The following MYOF variants were observed in gnomAD, a reference collection of about 807,000 sequenced individuals.
MYOF encodes the protein myoferlin, also known as fer-1-like 3, myoferlin.
A neutral mutation model predicts 284.2 loss-of-function variants in MYOF; 244 were observed. The ratio of observed to expected loss-of-function variants is 0.86; its 90% confidence interval spans 0.77 to 0.95. The LOEUF (loss-of-function observed/expected upper bound fraction) is 0.95, where lower values mean the gene tolerates loss of function less well. MYOF is among the 40% of genes least tolerant of loss of function. MYOF has a pLI of 0.00. For missense variants in MYOF, 2,496 were observed against 2,560.6 expected, an observed-to-expected ratio of 0.97 and a Z score of 0.54; for synonymous variants, 904 against 919.7, an observed-to-expected ratio of 0.98 and a Z score of 0.31.
intron 23 of MYOF, among the ~76,000 whole-genome samples, chr10:93,373,755 G>C (rs1407470299): frequency 1.3e-5 from 2 of 152,200 alleles, no homozygotes; most frequent in Non-Finnish European, 2.9e-5. Flanking sequence ...AGAGACAGGA[G>C]GAGTCGTCTC....
chr10:93,409,067 G>A, intron 6 of MYOF, 152 bp from the exon 7 acceptor site: 1 of 1,170,130 alleles, frequency 8.5e-7, no homozygotes. Flanking sequence ...CAATTGGGTG[G>A]AGCCACCTAG....
intron 38 of MYOF, among the ~76,000 whole-genome samples, chr10:93,342,800 T>A (rs1422646694): frequency 6.6e-6 from 1 of 152,182 alleles, no homozygotes; most frequent in Non-Finnish European, 1.5e-5. Context: ...GTTGTAAAAA[T>A]CTACAGAAAA....
At chr10:93,386,900 G>A (rs1846397941) in intron 19 of MYOF, among the ~76,000 whole-genome samples, 1 of 152,172 alleles carries the variant, frequency 6.6e-6, no homozygotes, top group Admixed American at 6.5e-5. Context: ...CCTGGACTCA[G>A]ATGAAAACGT....
At position 93,345,354 on chromosome 10, in the gene MYOF, G is replaced by A. The variant is rs560963066; in HGVS notation, c.4250-1422C>T. Among the ~76,000 whole-genome samples, 3 of 152,282 alleles carry A rather than the reference G, an allele frequency of 2.0e-5. No homozygotes were observed. In the South Asian group the frequency reaches 6.2e-4, roughly 32 times the overall value. ...ACTTGCTTCAGGTGAAACAATTAGT[G>A]GTAAGTTGGGGAGTAAGTAACCTAG... On this transcript the variant is annotated intron_variant, in intron 37 of 53. Coordinates refer to ENST00000359263, the MANE Select transcript of MYOF (RefSeq NM_013451.4).
intron 25 of MYOF, among the ~76,000 whole-genome samples, chr10:93,367,285 G>A (rs1346420967): frequency 6.6e-6 from 1 of 152,228 alleles, no homozygotes; most frequent in Non-Finnish European, 1.5e-5. Context: ...ACCATGGAAA[G>A]GGTAGAGATT....
Position 93,389,055 on chromosome 10 carries a change from G to A in MYOF, c.1556C>T (p.Pro519Leu). 6.2e-7 allele frequency: 1 copy of A among 1,614,044 alleles called. No individual in the cohort carries two copies. The highest frequency in any genetic ancestry group is 8.5e-7 in the Non-Finnish European group (1 of 1,179,982). ...SPREYTGFPD[P>L]YDELNTGKGE... ...CTTTCCAGTATTCAGCTCATCATAGGGGTCTGGGAATCCCGTGTACTCTCT... is the reference window on the plus strand; with the variant it reads ...CTTTCCAGTATTCAGCTCATCATAGAGGTCTGGGAATCCCGTGTACTCTCT... The change falls in exon 18 of 54, where the codon CCC becomes CTC. Residue 519 changes from proline to leucine, a missense_variant. This residue lies in a region of MYOF where 2,436 missense variants were observed against 2,480.7 expected (regional missense o/e 0.98). Coordinates refer to ENST00000359263, the MANE Select transcript of MYOF (RefSeq NM_013451.4).
At chr10:93,367,969 C>T (rs1303458265) in intron 25 of MYOF, among the ~76,000 whole-genome samples, 1 of 152,052 alleles carries the variant, frequency 6.6e-6, no homozygotes, top group Admixed American at 6.5e-5. Context: ...CATCTCTCTA[C>T]ATAAGTTGAA....
rs182224010 is a variant in MYOF at position 93,361,973 on chromosome 10, G to C, written c.2869-416C>G. ...TTGTTTGTTTCTTTGTTTTGAGACA[G>C]AGCCTCGCTCTGTTGCCCAGGCTGG... is the stretch of plus-strand genomic sequence containing the variant. On this transcript the variant is annotated intron_variant, in intron 27 of 53. Transcript: ENST00000359263. Among the ~76,000 whole-genome samples the C allele has an allele frequency of 2.1e-4, 32 of 152,316 alleles. No homozygotes were observed. In the East Asian group the frequency reaches 6.0e-3, roughly 28 times the overall value.
At chr10:93,422,588 G>A (rs1176495710) in intron 5 of MYOF, among the ~76,000 whole-genome samples, 1 of 152,176 alleles carries the variant, frequency 6.6e-6, no homozygotes. Flanking sequence ...CCTGAAGTCA[G>A]GAGTTCGAGA....
intron 13 of MYOF, among the ~76,000 whole-genome samples, chr10:93,398,072 C>T (rs527348918): frequency 9.9e-5 from 15 of 152,282 alleles, no homozygotes; most frequent in African/African-American, 3.6e-4. Context: ...CCTCAAAGTA[C>T]ACTTCAAATA....
At chr10:93,464,711 GCCC>G (rs1333437565) in intron 1 of MYOF, among the ~76,000 whole-genome samples, 1 of 151,958 alleles carries the variant, frequency 6.6e-6, no homozygotes, top group Non-Finnish European at 1.5e-5. Flanking sequence ...TTTATGATGT[GCCC>G]CCCAAGTCCT....
chr10:93,333,103 T>C, intron 43 of MYOF, 118 bp downstream of exon 43: 1 of 833,630 alleles, frequency 1.2e-6, no homozygotes, highest in Non-Finnish European at 2.0e-6. Flanking sequence ...TCTAGAATGT[T>C]TATCTAGTTC....
intron 28 of MYOF, among the ~76,000 whole-genome samples, chr10:93,360,874 T>C (rs1339066350): frequency 6.6e-6 from 1 of 152,200 alleles, no homozygotes; most frequent in Non-Finnish European, 1.5e-5. Context: ...ATTCTCATCC[T>C]GGATCCCCAA....
At position 93,359,818 on chromosome 10, in the gene MYOF, C is replaced by G. The variant is rs1387095706; in HGVS notation, c.3120+15G>C. On this transcript the variant is annotated intron_variant, in intron 29 of 53. Coordinates refer to ENST00000359263, the MANE Select transcript of MYOF (RefSeq NM_013451.4). ...AGAGCTCCCCAGTCCAGCTCCCTTC[C>G]CTTGCTTCTCTTACCCTTGCGGTGC... The G allele has an allele frequency of 6.2e-7, 1 of 1,613,864 alleles. No individual in the cohort carries two copies. The highest frequency in any genetic ancestry group is 8.5e-7 in the Non-Finnish European group (1 of 1,179,988).
intron 27 of MYOF, 108 bp from the exon 28 acceptor site, chr10:93,361,665 T>C: frequency 1.1e-6 from 1 of 871,740 alleles, no homozygotes; most frequent in Non-Finnish European, 1.8e-6. Context: ...ACACCTTTAC[T>C]TAGATACCAT....
At chr10:93,411,629 G>C (rs938568318) in intron 5 of MYOF, among the ~76,000 whole-genome samples, 1 of 152,182 alleles carries the variant, frequency 6.6e-6, no homozygotes, top group African/African-American at 2.4e-5. Flanking sequence ...CAGCACAGCA[G>C]GCAGGGGTCC....
At chr10:93,480,065 T>C (rs1263185739) in intron 1 of MYOF, among the ~76,000 whole-genome samples, 3 of 152,234 alleles carry the variant, frequency 2.0e-5, no homozygotes, top group African/African-American at 7.2e-5. Flanking sequence ...ATGATCGGAC[T>C]GATCCAAATA....
intron 38 of MYOF, chr10:93,342,108 T>C (rs1211848839): frequency 1.3e-5 from 6 of 465,952 alleles, no homozygotes; most frequent in Admixed American, 9.0e-5. Flanking sequence ...AGAATTTCCA[T>C]GGACATCACA....
chr10:93,384,156 C>T (rs1846249385), intron 19 of MYOF, among the ~76,000 whole-genome samples: 1 of 152,222 alleles, frequency 6.6e-6, no homozygotes, highest in African/African-American at 2.4e-5. Flanking sequence ...CTACCATCTG[C>T]TCACCTGTGC....
Sources: gnomAD v4.1 joint callset for allele counts (sites outside exome capture counted in the v4.1 genomes callset) on GRCh38, gnomAD v4.1.1 for gene constraint, gnomAD v4.1.1 regional missense constraint, MANE v1.5 for transcripts, NCBI Gene and HGNC (gene_info 2026-07-23, HGNC 2026-07-21) for gene names.